Variants in TRAT1 observed in about 807,000 individuals in gnomAD.
TRAT1 encodes T cell receptor associated transmembrane adaptor 1.
In TRAT1, 20 loss-of-function variants were observed where a neutral mutation model predicts 20.0. The ratio of observed to expected loss-of-function variants is 1.00; its 90% CI spans 0.70 to 1.45. The LOEUF is 1.45. TRAT1 is among the 40% of genes most tolerant of loss of function. The pLI, the probability that TRAT1 is intolerant of heterozygous loss-of-function variation, is 0.00. For synonymous variants in TRAT1, 77 were observed against 74.2 expected (o/e 1.04, Z -0.20); for missense variants, 237 against 224.1 (o/e 1.06, Z -0.37).
intron 3 of TRAT1, among the ~76,000 whole-genome samples, chr3:108,842,059 T>G (rs1173554787): frequency 6.6e-6 from 1 of 152,184 alleles, no homozygotes; most frequent in African/African-American, 2.4e-5. Flanking sequence ...AATTAATGCC[T>G]CTGAAAATTC....
At chr3:108,841,405 G>C (rs1188275578) in intron 3 of TRAT1, among the ~76,000 whole-genome samples, 1 of 152,014 alleles carries the variant, frequency 6.6e-6, no homozygotes, top group Admixed American at 6.6e-5. Context: ...TTGTAAAGGG[G>C]CATGGAAGCT....
intron 4 of TRAT1, among the ~76,000 whole-genome samples, chr3:108,848,873 G>A (rs1356412487): frequency 6.6e-6 from 1 of 152,112 alleles, no homozygotes; most frequent in Non-Finnish European, 1.5e-5. Flanking sequence ...CATCCAAATG[G>A]TAGCTTAAGA....
intron 1 of TRAT1, among the ~76,000 whole-genome samples, chr3:108,826,025 G>A (rs955994761): frequency 7.9e-5 from 12 of 152,266 alleles, no homozygotes; most frequent in Admixed American, 1.3e-4. Context: ...AAGTTTAATT[G>A]TAGAAGCAAT....
At chr3:108,853,292 C>T (rs550478995) in intron 5 of TRAT1, among the ~76,000 whole-genome samples, 2 of 152,072 alleles carry the variant, frequency 1.3e-5, no homozygotes, top group Admixed American at 6.5e-5. Flanking sequence ...TTGGTAAGAG[C>T]GACACAGGGC....
At chr3:108,844,413 G>C (rs1279462045) in intron 3 of TRAT1, among the ~76,000 whole-genome samples, 1 of 145,234 alleles carries the variant, frequency 6.9e-6, no homozygotes, top group Non-Finnish European at 1.5e-5. Flanking sequence ...TGCCTCCTGG[G>C]TTCACGCCAG....
chr3:108,825,231 A>C (rs551313252), intron 1 of TRAT1, among the ~76,000 whole-genome samples: 29 of 152,248 alleles, frequency 1.9e-4, no homozygotes, highest in Non-Finnish European at 3.7e-4. Context: ...ACAAAAACCC[A>C]AGTATTTTCT....
chr3:108,840,046 C>T (rs1945879018), intron 3 of TRAT1, among the ~76,000 whole-genome samples: 1 of 151,980 alleles, frequency 6.6e-6, no homozygotes, highest in African/African-American at 2.4e-5. Flanking sequence ...TTGAAAAACA[C>T]AGAGCTTTCT....
intron 3 of TRAT1, chr3:108,839,197 T>C: frequency 1.9e-6 from 1 of 527,220 alleles, no homozygotes; most frequent in Non-Finnish European, 3.3e-6. Context: ...AAGGATAAAA[T>C]GAGATTCTAA....
intron 3 of TRAT1, chr3:108,839,295 A>G (rs2107511493): frequency 3.7e-6 from 1 of 272,248 alleles, no homozygotes; most frequent in Non-Finnish European, 6.8e-6. Flanking sequence ...CTACACTTCA[A>G]AATCCATAGT....
Position 108,854,052 on chromosome 3 carries a change from G to T in TRAT1, c.*175G>T. On this transcript the variant is annotated 3_prime_UTR_variant, in exon 6 of 6. Transcript: ENST00000295756. ...TACACTTATGCATGCCAAATGTAAG[G>T]CCATGAAAATCAGTATTTCAAATAA... 1.8e-6 allele frequency: 1 copy of T among 552,556 alleles called. No homozygotes were observed. 34.2% of individuals were successfully genotyped at this position (552,556 alleles called of 1,614,324 possible). A position where few individuals can be genotyped will look rare whatever the true frequency, so the allele number is the denominator to read the frequency against.
intron 1 of TRAT1, among the ~76,000 whole-genome samples, chr3:108,826,899 C>T (rs1434347862): frequency 1.3e-5 from 2 of 152,116 alleles, no homozygotes; most frequent in African/African-American, 4.8e-5. Flanking sequence ...TCAAATCTGC[C>T]AGCAGAAAGA....
chr3:108,853,425 T>C (rs1029535676), intron 5 of TRAT1, among the ~76,000 whole-genome samples, 195 bp from the exon 6 acceptor site: 1 of 152,224 alleles, frequency 6.6e-6, no homozygotes, highest in African/African-American at 2.4e-5. Flanking sequence ...AAGCACTTTT[T>C]CAACTCAAGA....
At chr3:108,825,125 A>T (rs79617343) in intron 1 of TRAT1, among the ~76,000 whole-genome samples, 2 of 34,188 alleles carry the variant, frequency 5.9e-5, no homozygotes, top group African/African-American at 1.2e-4. Context: ...AGATGATAGT[A>T]TTTTTTATAT....
intron 5 of TRAT1, among the ~76,000 whole-genome samples, chr3:108,852,244 G>C (rs1430814920): frequency 2.0e-5 from 3 of 152,172 alleles, no homozygotes; most frequent in Non-Finnish European, 1.5e-5. Flanking sequence ...AGCCAGGCGT[G>C]GTGGTGGGCA....
At chr3:108,849,058 C>A (rs976823247) in intron 4 of TRAT1, 108 bp from the exon 5 acceptor site, 5 of 930,038 alleles carry the variant, frequency 5.4e-6, no homozygotes, top group African/African-American at 1.7e-5. Context: ...TTAAGTAATT[C>A]TTGGGCAGTT....
chr3:108,832,968 C>T (rs762527778), intron 2 of TRAT1, among the ~76,000 whole-genome samples: 3 of 152,174 alleles, frequency 2.0e-5, no homozygotes, highest in Non-Finnish European at 2.9e-5. Flanking sequence ...TTTTACAACT[C>T]ATTGTAAATA....
intron 2 of TRAT1, among the ~76,000 whole-genome samples, chr3:108,831,032 T>C (rs1945787521): frequency 6.6e-6 from 1 of 152,218 alleles, no homozygotes; most frequent in Non-Finnish European, 1.5e-5. Flanking sequence ...GGGATTATCC[T>C]GGTAAATACG....
intron 3 of TRAT1, 144 bp from the exon 4 acceptor site, chr3:108,846,924 G>C: frequency 1.6e-6 from 1 of 607,190 alleles, no homozygotes; most frequent in Non-Finnish European, 3.0e-6. Flanking sequence ...TCACTCACTT[G>C]CACAAGAACA....
intron 2 of TRAT1, among the ~76,000 whole-genome samples, chr3:108,833,752 A>G (rs768298959): frequency 2.6e-5 from 4 of 151,858 alleles, no homozygotes; most frequent in Non-Finnish European, 2.9e-5. Context: ...TTCCTTATCT[A>G]TAAGATGTGG....
Sources: gnomAD v4.1 joint callset for allele counts (sites outside exome capture counted in the v4.1 genomes callset) on GRCh38, gnomAD v4.1.1 for gene constraint, MANE v1.5 for transcripts, NCBI Gene and HGNC (gene_info 2026-07-23, HGNC 2026-07-21) for gene names.